The following ZNF680 variants were observed in gnomAD, a reference collection of about 807,000 sequenced individuals.
ZNF680 encodes hypothetical protein FLJ90430.
A neutral mutation model predicts 12.1 loss-of-function variants in ZNF680; 6 were observed. That is an observed-to-expected ratio of 0.49 (90% CI 0.27 to 0.98). The LOEUF (loss-of-function observed/expected upper bound fraction) is 0.98. Among genes scored for constraint, ZNF680 ranks in the 50% least tolerant of loss-of-function variants. The probability of loss-of-function intolerance (pLI) is 0.12; values close to 1 mark genes in which losing one functional copy is unlikely to be tolerated. For synonymous variants in ZNF680, 170 were observed against 199.3 expected, an observed-to-expected ratio of 0.85 and a Z score of 1.24; for missense variants, 561 against 616.3, an observed-to-expected ratio of 0.91 and a Z score of 0.95.
chr7:64,502,776 T>TCATA, the ZNF680 span, among the ~76,000 whole-genome samples: 1 of 142,834 alleles, frequency 7.0e-6, no homozygotes, highest in Admixed American at 7.0e-5. Context: ...GAGGATTGAA[T>TCATA]CATATATCCT....
chr7:64,517,569 A>T (rs1791380562), downstream of ZNF680, among the ~76,000 whole-genome samples: 1 of 152,120 alleles, frequency 6.6e-6, no homozygotes, highest in Admixed American at 6.6e-5. Context: ...ACGACACGGT[A>T]AGAGGGAACC....
chr7:64,532,512 T>C (rs1785942828), intron 3 of ZNF680, among the ~76,000 whole-genome samples: 1 of 151,576 alleles, frequency 6.6e-6, no homozygotes, highest in Admixed American at 6.6e-5. Context: ...CAAAAGCAAG[T>C]AGCTTTTAAA....
rs567385523 is a variant in ZNF680, at chr7:64,554,900, ATGT to A, written c.30+8022_30+8024del. 1.9e-3 allele frequency among the ~76,000 whole-genome samples: 290 copies of A among 152,156 alleles called. 2 individuals carry two copies. The highest frequency in any genetic ancestry group is 6.8e-3 in the African/African-American group (282 of 41,476). ...AGGAAAACCAGAGACCTTTGTTCACATGTTTATCTGCTGACCTTCCCTCCACTA... is the reference window on the plus strand; with the variant it reads ...AGGAAAACCAGAGACCTTTGTTCACATTATCTGCTGACCTTCCCTCCACTA... On this transcript the variant is annotated intron_variant, in intron 1 of 3. Transcript: ENST00000309683.
In ZNF680 at chr7:64,526,337, T is replaced by C. The variant is rs75999144; in HGVS notation, c.254-3837A>G. 28,545 of 1,227,282 alleles carry C rather than the reference T, an allele frequency of 0.023. 2,140 individuals are homozygous for C. The East Asian group carries it at 0.34, about 14-fold the overall frequency. The allele number at this position is 1,227,282 out of a possible 1,614,324, so 76.0% of individuals were successfully genotyped here. A position where few individuals can be genotyped will look rare whatever the true frequency, so the allele number is the denominator to read the frequency against. On this transcript the variant is annotated intron_variant, in intron 3 of 3. Transcript: ENST00000309683. The stretch of plus-strand genomic sequence containing the variant: ...TTAAAAACAGATAAAAATAAAGACT[T>C]TTCAAAATAAAAGGTGACAGTGTTA...
chr7:64,528,476 G>C (rs1189321789), intron 3 of ZNF680, among the ~76,000 whole-genome samples: 1 of 152,196 alleles, frequency 6.6e-6, no homozygotes, highest in Non-Finnish European at 1.5e-5. Context: ...TCTTGGTGCT[G>C]TTAGGTGGGG....
the ZNF680 span, among the ~76,000 whole-genome samples, chr7:64,500,558 T>G: frequency 6.6e-6 from 1 of 152,222 alleles, no homozygotes; most frequent in Non-Finnish European, 1.5e-5. Context: ...CATAATATCA[T>G]TTCTATGTAG....
At chr7:64,499,543 G>C in the ZNF680 span, among the ~76,000 whole-genome samples, 4 of 152,202 alleles carry the variant, frequency 2.6e-5, no homozygotes, top group Non-Finnish European at 2.9e-5. Context: ...AGATCACGAG[G>C]TCAGGAGTTC....
chr7:64,508,125 A>ATGTG, the ZNF680 span, among the ~76,000 whole-genome samples: 912 of 79,776 alleles, frequency 0.011, 25 homozygotes, highest in African/African-American at 0.044. Context: ...TTTAAAATGT[A>ATGTG]TATATATATA....
At chr7:64,523,651 C>T (rs1482924112) in intron 3 of ZNF680, among the ~76,000 whole-genome samples, 1 of 152,072 alleles carries the variant, frequency 6.6e-6, no homozygotes, top group African/African-American at 2.4e-5. Flanking sequence ...TGGTGGCTCA[C>T]ACCTATAATC....
At position 64,521,864 on chromosome 7, in the gene ZNF680, T is replaced by C. The variant is rs77628705; in HGVS notation, c.890A>G (p.Asp297Gly). 6.4e-5 allele frequency: 103 copies of C among 1,613,410 alleles called. No homozygotes were observed. The highest frequency in any genetic ancestry group is 8.4e-5 in the Non-Finnish European group (99 of 1,179,732). The part of the protein sequence containing the change: ...IHTGDKPYKC[D>G]ECHKAFNWFA... Reference sequence around the variant, plus strand: ...CCAGTTAAAGGCTTTGTGACATTCATCACATTTGTAAGGTTTGTCTCCAGT... The same window carrying C: ...CCAGTTAAAGGCTTTGTGACATTCACCACATTTGTAAGGTTTGTCTCCAGT... The change falls in exon 4 of 4, where the codon GAT becomes GGT. Residue 297 changes from aspartate (D) to glycine (G), a missense_variant. Asp to Gly is a moderately conservative substitution (Grantham distance 94, BLOSUM62 -1). Transcript: ENST00000309683.
chr7:64,539,351 C>CAAAAAAAAAAAAAA (rs1170166478), intron 3 of ZNF680, among the ~76,000 whole-genome samples: 33 of 48,454 alleles, frequency 6.8e-4, no homozygotes, highest in South Asian at 1.4e-3. Flanking sequence ...AACTTCGTCT[C>CAAAAAAAAAAAAAA]AAAAAAAAAA....
At chr7:64,541,106 CTTCTTATAT>C (rs1341869884) in intron 3 of ZNF680, among the ~76,000 whole-genome samples, 26 of 152,094 alleles carry the variant, frequency 1.7e-4, no homozygotes, top group African/African-American at 5.8e-4. Context: ...ATGGTTAGCA[CTTCTTATAT>C]ATAAAACAAA....
chr7:64,540,515 G>C (rs1786446623), intron 3 of ZNF680, among the ~76,000 whole-genome samples: 1 of 152,018 alleles, frequency 6.6e-6, no homozygotes, highest in Admixed American at 6.6e-5. Context: ...ATATTGGCCA[G>C]GCTGGTCTCG....
chr7:64,499,850 A>G, the ZNF680 span, among the ~76,000 whole-genome samples: 1 of 152,238 alleles, frequency 6.6e-6, no homozygotes, highest in Non-Finnish European at 1.5e-5. Context: ...GGGCCCCAGT[A>G]AAACAGTGGG....
At chr7:64,501,931 T>A in the ZNF680 span, among the ~76,000 whole-genome samples, 1 of 152,012 alleles carries the variant, frequency 6.6e-6, no homozygotes, top group Non-Finnish European at 1.5e-5. Flanking sequence ...TGTTAAGTCT[T>A]ACCCTGTAGT....
Position 64,563,034 on chromosome 7 carries a change from T to C in ZNF680, c.-80A>G, listed in dbSNP as rs953316640. ...TCTAGGAGCAGAATACACAGAGCAG[T>C]AAAGACTAGACCTGGAGCTCCCGCA... On this transcript the variant is annotated 5_prime_UTR_variant, in exon 1 of 4. Transcript: ENST00000309683. 148 of 1,545,208 alleles carry C rather than the reference T, an allele frequency of 9.6e-5. No homozygotes were observed. In the Admixed American group the frequency reaches 1.5e-3, roughly 15 times the overall value.
At chr7:64,549,678 T>TAAA (rs535286350) in intron 1 of ZNF680, among the ~76,000 whole-genome samples, 4 of 142,514 alleles carry the variant, frequency 2.8e-5, no homozygotes, top group Non-Finnish European at 4.6e-5. Flanking sequence ...TATGTCTACC[T>TAAA]AAAAAAAAAA....
Position 64,522,086 on chromosome 7 carries a change from G to T in ZNF680, c.668C>A (p.Ser223Ter). 6.2e-7 allele frequency: 1 copy of T among 1,612,280 alleles called. No homozygotes were observed. Reference sequence around the variant, plus strand: ...AATTCCCTTATGTTTAATAAGCTCTGAGAACCAGTTAAGAACTTTGCCACA... The same window carrying T: ...AATTCCCTTATGTTTAATAAGCTCTTAGAACCAGTTAAGAACTTTGCCACA... The part of the protein sequence containing the change: ...EECGKVLNWF[S>*]ELIKHKGIHM... Residue 223 changes from serine (S) to a stop codon, truncating the protein, a stop_gained, in exon 4 of 4, where the codon TCA becomes TAA. Coordinates refer to ENST00000309683, the MANE Select transcript of ZNF680 (RefSeq NM_178558.5). LOFTEE classifies it low-confidence loss of function (END_TRUNC).
chr7:64,500,965 A>G, the ZNF680 span: 45 of 658,940 alleles, frequency 6.8e-5, no homozygotes, highest in African/African-American at 7.9e-4. Context: ...TGGGTTGCTC[A>G]GTTCATAAGG....
Sources: gnomAD v4.1 joint callset for allele counts (sites outside exome capture counted in the v4.1 genomes callset) on GRCh38, gnomAD v4.1.1 for gene constraint, MANE v1.5 for transcripts, NCBI Gene and HGNC (gene_info 2026-07-23, HGNC 2026-07-21) for gene names.